HDAC9: variants seen among roughly 807,000 people sequenced by gnomAD.
HDAC9 encodes MEF-2 interacting transcription repressor (MITR) protein.
In HDAC9, 41 loss-of-function variants were observed where a neutral mutation model predicts 139.4. The observed-to-expected ratio is 0.29, with a 90% CI of 0.23 to 0.38. HDAC9 has a LOEUF of 0.38. HDAC9 is among the 10% of genes least tolerant of loss of function. HDAC9 has a pLI of 1.00. For synonymous variants in HDAC9, 517 were observed against 476.2 expected (o/e 1.09, Z -1.12); for missense variants, 1,147 against 1,297.0 (o/e 0.88, Z 1.78).
At chr7:18,762,678 G>T (rs1789496460) in intron 15 of HDAC9, among the ~76,000 whole-genome samples, 1 of 151,950 alleles carries the variant, frequency 6.6e-6, no homozygotes, top group Non-Finnish European at 1.5e-5. Flanking sequence ...ATGACCTTAA[G>T]AAACAAAGGA....
At chr7:18,723,734 C>T (rs376257901) in intron 12 of HDAC9, among the ~76,000 whole-genome samples, 1 of 151,850 alleles carries the variant, frequency 6.6e-6, no homozygotes, top group South Asian at 2.1e-4. Context: ...AGAAAGGTAG[C>T]GGGTGGTGTT....
At chr7:18,768,819 CAA>C (rs1230416850) in intron 16 of HDAC9, among the ~76,000 whole-genome samples, 3 of 152,082 alleles carry the variant, frequency 2.0e-5, no homozygotes, top group African/African-American at 7.2e-5. Flanking sequence ...TATGATGGTG[CAA>C]AAGTGTTATA....
chr7:18,626,929 G>A (rs907589811), intron 6 of HDAC9, among the ~76,000 whole-genome samples: 2 of 152,078 alleles, frequency 1.3e-5, no homozygotes, highest in African/African-American at 4.8e-5. Flanking sequence ...GAGGGAGGAG[G>A]ACAAGACTGA....
At chr7:18,096,526 G>A (rs1384250996) in intron 1 of HDAC9, among the ~76,000 whole-genome samples, 1 of 152,124 alleles carries the variant, frequency 6.6e-6, no homozygotes, top group South Asian at 2.1e-4. Flanking sequence ...TTCACATCAA[G>A]CTCATGGACC....
At chr7:18,396,134 C>T (rs1787030496) in intron 1 of HDAC9, among the ~76,000 whole-genome samples, 1 of 136,664 alleles carries the variant, frequency 7.3e-6, no homozygotes, top group Non-Finnish European at 1.5e-5. Flanking sequence ...CTTCCCTTGC[C>T]TTCCCTTCCT....
At chr7:18,494,967 T>C (rs1193472282), upstream of HDAC9, among the ~76,000 whole-genome samples, 3 of 152,090 alleles carry the variant, frequency 2.0e-5, no homozygotes, top group Admixed American at 1.3e-4. Flanking sequence ...GTTTTGTTTA[T>C]AGATATAGTA....
chr7:18,776,657 G>C (rs993162414), intron 16 of HDAC9, among the ~76,000 whole-genome samples: 2 of 152,034 alleles, frequency 1.3e-5, no homozygotes, highest in African/African-American at 4.8e-5. Flanking sequence ...GTCTTGTAGT[G>C]TTGGGGCAGA....
chr7:18,949,391 G>A, intron 23 of HDAC9: 1 of 255,548 alleles, frequency 3.9e-6, no homozygotes, highest in Admixed American at 4.1e-5. Flanking sequence ...TCTTCTCACT[G>A]TGCATCTTCC....
At chr7:18,317,905 C>G (rs529582016) in intron 1 of HDAC9, among the ~76,000 whole-genome samples, 1 of 152,294 alleles carries the variant, frequency 6.6e-6, no homozygotes, top group East Asian at 1.9e-4. Context: ...ATTGCTCTGT[C>G]TTGCATAAAT....
intron 22 of HDAC9, among the ~76,000 whole-genome samples, chr7:18,905,132 C>T (rs1396014223): frequency 6.6e-6 from 1 of 152,034 alleles, no homozygotes; most frequent in Non-Finnish European, 1.5e-5. Context: ...CTCAAGTGAT[C>T]CACCCGCCTT....
At chr7:18,488,029 A>G (rs1796100154) in intron 1 of HDAC9, among the ~76,000 whole-genome samples, 1 of 152,104 alleles carries the variant, frequency 6.6e-6, no homozygotes, top group African/African-American at 2.4e-5. Context: ...TAAGAAGCAG[A>G]CTTATTTTGT....
chr7:18,122,884 G>A (rs2128094917), intron 1 of HDAC9, among the ~76,000 whole-genome samples: 1 of 152,306 alleles, frequency 6.6e-6, no homozygotes, highest in East Asian at 1.9e-4. Context: ...CTCCCAAAGT[G>A]CTCAGGCATG....
intron 2 of HDAC9, among the ~76,000 whole-genome samples, chr7:18,203,488 A>G (rs1791282596): frequency 6.6e-6 from 1 of 152,200 alleles, no homozygotes; most frequent in African/African-American, 2.4e-5. Context: ...GTAGGATAAT[A>G]TAAGACCCAG....
At chr7:18,295,551 TCTTA>T (rs1390338222) in intron 1 of HDAC9, among the ~76,000 whole-genome samples, 2 of 152,182 alleles carry the variant, frequency 1.3e-5, no homozygotes, top group South Asian at 2.1e-4. Flanking sequence ...TTAGAAATTA[TCTTA>T]CTTCTATCTT....
intron 1 of HDAC9, among the ~76,000 whole-genome samples, chr7:18,363,915 T>C (rs899048739): frequency 2.0e-5 from 3 of 152,174 alleles, no homozygotes; most frequent in Non-Finnish European, 4.4e-5. Context: ...GCCTTAACAT[T>C]AATATTTTTC....
At chr7:18,863,174 C>A (rs1798240115) in intron 21 of HDAC9, among the ~76,000 whole-genome samples, 1 of 152,174 alleles carries the variant, frequency 6.6e-6, no homozygotes, top group Non-Finnish European at 1.5e-5. Context: ...AGGGATTTTA[C>A]ATACATTTGT....
intron 1 of HDAC9, among the ~76,000 whole-genome samples, chr7:18,100,274 T>C (rs1782762859): frequency 6.6e-6 from 1 of 152,180 alleles, no homozygotes. Context: ...TAATGTATCT[T>C]GGTATAGCTT....
At chr7:18,732,979 G>A (rs1786447193) in intron 13 of HDAC9, among the ~76,000 whole-genome samples, 1 of 115,612 alleles carries the variant, frequency 8.6e-6, no homozygotes. Flanking sequence ...ATATACACAT[G>A]TGTATGTGTG....
At chr7:18,472,981 C>T (rs541722956) in intron 1 of HDAC9, among the ~76,000 whole-genome samples, 18 of 152,272 alleles carry the variant, frequency 1.2e-4, no homozygotes, top group African/African-American at 3.1e-4. Flanking sequence ...TGATATACAA[C>T]AATCCATATG....
Sources: allele counts gnomAD v4.1 joint callset (sites outside exome capture counted in the v4.1 genomes callset), GRCh38; gene constraint gnomAD v4.1.1; transcripts MANE v1.5; gene names NCBI Gene and HGNC (gene_info 2026-07-23, HGNC 2026-07-21).